Variants in CAMK2D observed in about 807,000 individuals in gnomAD.
CAMK2D encodes the protein calcium/calmodulin-dependent protein kinase type II subunit delta.
A neutral mutation model predicts 84.0 loss-of-function variants in CAMK2D; 37 were observed. The ratio of observed to expected loss-of-function variants is 0.44; its 90% CI spans 0.34 to 0.58. CAMK2D has a LOEUF of 0.58. Among genes scored for constraint, CAMK2D ranks in the 20% least tolerant of loss-of-function variants. The pLI, the probability that CAMK2D is intolerant of heterozygous loss-of-function variation, is 0.02. For synonymous variants in CAMK2D, 202 were observed against 212.5 expected, an observed-to-expected ratio of 0.95 and a Z score of 0.43; for missense variants, 448 against 652.5, an observed-to-expected ratio of 0.69 and a Z score of 3.41.
At chr4:113,476,719 T>A (rs1397694575) in intron 16 of CAMK2D, among the ~76,000 whole-genome samples, 1 of 152,142 alleles carries the variant, frequency 6.6e-6, no homozygotes, top group African/African-American at 2.4e-5. Context: ...TACCTGGAGG[T>A]CACAAGATAT....
At chr4:113,667,171 T>TG (rs1368044916) in intron 2 of CAMK2D, among the ~76,000 whole-genome samples, 2 of 152,250 alleles carry the variant, frequency 1.3e-5, no homozygotes, top group Non-Finnish European at 2.9e-5. Flanking sequence ...CTGTTGCATC[T>TG]GCTTATTACA....
At chr4:113,661,053 C>T (rs1268165443) in intron 3 of CAMK2D, among the ~76,000 whole-genome samples, 1 of 152,108 alleles carries the variant, frequency 6.6e-6, no homozygotes, top group Admixed American at 6.5e-5. Flanking sequence ...CCTCGGCCTC[C>T]CAAAGTGCTG....
At chr4:113,551,320 T>A (rs907443232) in intron 5 of CAMK2D, among the ~76,000 whole-genome samples, 6 of 152,216 alleles carry the variant, frequency 3.9e-5, no homozygotes, top group African/African-American at 1.2e-4. Flanking sequence ...TGTAAAGATT[T>A]TGCCAATTAA....
At chr4:113,491,535 T>C (rs963292487) in intron 16 of CAMK2D, among the ~76,000 whole-genome samples, 12 of 152,140 alleles carry the variant, frequency 7.9e-5, no homozygotes, top group Non-Finnish European at 1.5e-4. Context: ...TGCTGCTGGA[T>C]TCGTTTTGCC....
intron 4 of CAMK2D, among the ~76,000 whole-genome samples, chr4:113,595,300 A>G (rs2098919418): frequency 6.6e-6 from 1 of 152,174 alleles, no homozygotes; most frequent in Non-Finnish European, 1.5e-5. Context: ...AAGATTGGAA[A>G]CTCAGATCTA....
intron 16 of CAMK2D, among the ~76,000 whole-genome samples, chr4:113,492,406 A>G (rs1467118320): frequency 6.6e-6 from 1 of 152,204 alleles, no homozygotes; most frequent in Non-Finnish European, 1.5e-5. Flanking sequence ...TGTACCCAGT[A>G]GTCATTCAGG....
chr4:113,693,427 G>C (rs781044988), intron 2 of CAMK2D, among the ~76,000 whole-genome samples: 2 of 152,016 alleles, frequency 1.3e-5, no homozygotes, highest in Non-Finnish European at 2.9e-5. Flanking sequence ...CTTCAGTTAA[G>C]ACCTTGCTAA....
chr4:113,673,969 C>G (rs770803378), intron 2 of CAMK2D, among the ~76,000 whole-genome samples: 1 of 135,574 alleles, frequency 7.4e-6, no homozygotes, highest in Non-Finnish European at 1.6e-5. Flanking sequence ...CCCACTGAAG[C>G]TAGATGGTTA....
intron 3 of CAMK2D, among the ~76,000 whole-genome samples, chr4:113,649,652 A>G (rs1300043321): frequency 6.6e-6 from 1 of 152,266 alleles, no homozygotes; most frequent in Non-Finnish European, 1.5e-5. Context: ...TCAGTTGCAT[A>G]CATAATTATT....
At chr4:113,691,395 T>C (rs1182552738) in intron 2 of CAMK2D, among the ~76,000 whole-genome samples, 1 of 152,176 alleles carries the variant, frequency 6.6e-6, no homozygotes, top group African/African-American at 2.4e-5. Context: ...ATAAAGGTAA[T>C]GCTATCTGGC....
intron 16 of CAMK2D, among the ~76,000 whole-genome samples, chr4:113,470,312 T>A (rs1027186172): frequency 1.3e-5 from 2 of 152,158 alleles, no homozygotes; most frequent in Non-Finnish European, 2.9e-5. Context: ...TGCTCCTACT[T>A]CTTTTATCAG....
intron 16 of CAMK2D, among the ~76,000 whole-genome samples, chr4:113,480,571 T>G (rs1389657880): frequency 1.3e-5 from 2 of 151,884 alleles, no homozygotes; most frequent in Non-Finnish European, 2.9e-5. Context: ...CCGGGTGCAG[T>G]GGCTCACATC....
At chr4:113,739,213 C>T (rs994142318) in intron 2 of CAMK2D, among the ~76,000 whole-genome samples, 1 of 152,132 alleles carries the variant, frequency 6.6e-6, no homozygotes, top group Non-Finnish European at 1.5e-5. Context: ...CCTAAATGTA[C>T]TCTTCAATTT....
intron 2 of CAMK2D, among the ~76,000 whole-genome samples, chr4:113,744,074 T>C (rs2099598956): frequency 6.6e-6 from 1 of 152,098 alleles, no homozygotes; most frequent in Admixed American, 6.5e-5. Flanking sequence ...TCTCCTGACC[T>C]CGCGATCCGC....
intron 2 of CAMK2D, among the ~76,000 whole-genome samples, chr4:113,726,579 T>C (rs559151190): frequency 6.6e-6 from 1 of 151,744 alleles, no homozygotes; most frequent in South Asian, 2.1e-4. Flanking sequence ...TGTTTGTTTG[T>C]TTTTGGTCAA....
At chr4:113,539,255 T>A (rs1338378202) in intron 6 of CAMK2D, among the ~76,000 whole-genome samples, 3 of 152,180 alleles carry the variant, frequency 2.0e-5, no homozygotes, top group Non-Finnish European at 2.9e-5. Context: ...CTGTAAGCAA[T>A]GGTTGATTCT....
intron 4 of CAMK2D, among the ~76,000 whole-genome samples, chr4:113,606,173 A>G (rs186444322): frequency 6.6e-6 from 1 of 152,194 alleles, no homozygotes; most frequent in East Asian, 1.9e-4. Flanking sequence ...AACTGACATA[A>G]AAAACTCAAT....
At chr4:113,757,436 C>T (rs914000784) in intron 2 of CAMK2D, among the ~76,000 whole-genome samples, 2 of 151,986 alleles carry the variant, frequency 1.3e-5, no homozygotes. Context: ...GATCACACAG[C>T]CAGTAGGTAT....
chr4:113,625,046 G>T (rs1008800084), intron 3 of CAMK2D, among the ~76,000 whole-genome samples: 1 of 152,186 alleles, frequency 6.6e-6, no homozygotes, highest in Admixed American at 6.6e-5. Flanking sequence ...GAGACCACCT[G>T]CCTAGTCAGC....
Sources: allele counts gnomAD v4.1 joint callset (sites outside exome capture counted in the v4.1 genomes callset), GRCh38; gene constraint gnomAD v4.1.1; transcripts MANE v1.5; gene names NCBI Gene and HGNC (gene_info 2026-07-23, HGNC 2026-07-21).